PLD5: variants seen among roughly 807,000 people sequenced by gnomAD.
PLD5 encodes the protein inactive phospholipase D5.
Under a neutral mutation model 61.1 loss-of-function variants are expected in PLD5, and 36 were observed. The ratio of observed to expected loss-of-function variants is 0.59; its 90% confidence interval spans 0.45 to 0.78. The LOEUF (loss-of-function observed/expected upper bound fraction) is 0.78. Among genes scored for constraint, PLD5 ranks in the 30% least tolerant of loss-of-function variants. The probability of loss-of-function intolerance (pLI) is 0.00; values close to 1 mark genes in which losing one functional copy is unlikely to be tolerated. For synonymous variants in PLD5, 243 were observed against 242.8 expected, an observed-to-expected ratio of 1.00 and a Z score of -0.01; for missense variants, 515 against 644.4, an observed-to-expected ratio of 0.80 and a Z score of 2.17.
At chr1:242,464,179 T>G (rs940785372) in intron 1 of PLD5, among the ~76,000 whole-genome samples, 3 of 152,204 alleles carry the variant, frequency 2.0e-5, no homozygotes, top group African/African-American at 7.2e-5. Flanking sequence ...ACTTCACATG[T>G]CCCTTCTTTT....
intron 3 of PLD5, among the ~76,000 whole-genome samples, chr1:242,281,626 C>A (rs1411771308): frequency 2.0e-5 from 3 of 152,046 alleles, no homozygotes. Flanking sequence ...GATAACTTTG[C>A]TAGATAGTGT....
intron 7 of PLD5, among the ~76,000 whole-genome samples, chr1:242,109,897 C>T (rs955346241): frequency 2.0e-5 from 3 of 151,850 alleles, no homozygotes; most frequent in African/African-American, 7.3e-5. Context: ...AGGTGATATT[C>T]ATCATGATTA....
In PLD5 at chr1:242,214,999, C is replaced by CCAGAGTAG. The variant is rs567258849; in HGVS notation, c.735+4981_735+4988dup. Among the ~76,000 whole-genome samples the CCAGAGTAG allele has an allele frequency of 1.3e-3, 199 of 150,332 alleles. 2 individuals carry two copies. The highest frequency in any genetic ancestry group is 4.6e-3 in the African/African-American group (186 of 40,818). On this transcript the variant is annotated intron_variant, in intron 5 of 9. Coordinates refer to ENST00000536534, the MANE Select transcript of PLD5 (RefSeq NM_001372062.1). ...TCACGCCATTCTCCTGACTCAGCCT[C>CCAGAGTAG]CAGAGTAGCTGGGACTACTTGTGCC...
chr1:242,089,745 G>A lies in PLD5; in HGVS notation c.*109C>T, dbSNP rs1387049204. Reference sequence around the variant, plus strand: ...GTTGTTCAGAGAATATTTTTTATAAGTGTGCTTTTTCCCTAAAAAAAGAGA... The same window carrying A: ...GTTGTTCAGAGAATATTTTTTATAAATGTGCTTTTTCCCTAAAAAAAGAGA... On this transcript the variant is annotated 3_prime_UTR_variant, in exon 10 of 10. Transcript: ENST00000536534. 5.9e-6 allele frequency: 8 copies of A among 1,367,066 alleles called. No homozygotes were observed. Among genetic ancestry groups the A allele is most frequent in the Non-Finnish European group, 8.1e-6 (8 of 985,164 alleles). 84.7% of individuals were successfully genotyped at this position (1,367,066 alleles called of 1,614,324 possible). A position where few individuals can be genotyped will look rare whatever the true frequency, so the allele number is the denominator to read the frequency against.
At chr1:242,348,919 TG>T (rs1660308668) in intron 1 of PLD5, among the ~76,000 whole-genome samples, 1 of 152,086 alleles carries the variant, frequency 6.6e-6, no homozygotes, top group Non-Finnish European at 1.5e-5. Flanking sequence ...CTGGGCGTGG[TG>T]GCAGGCGCCT....
chr1:242,123,887 T>C (rs1662578622), intron 6 of PLD5, among the ~76,000 whole-genome samples: 1 of 152,122 alleles, frequency 6.6e-6, no homozygotes, highest in Non-Finnish European at 1.5e-5. Context: ...AGGGTGTGGC[T>C]AATGGTTCTT....
chr1:242,385,738 T>C (rs530502591), intron 1 of PLD5, among the ~76,000 whole-genome samples: 32 of 152,278 alleles, frequency 2.1e-4, no homozygotes, highest in Middle Eastern at 3.4e-3. Context: ...TCTGAGATGA[T>C]GAGGGAAAGC....
intron 2 of PLD5, among the ~76,000 whole-genome samples, chr1:242,337,217 T>A (rs1225605480): frequency 8.2e-5 from 2 of 24,338 alleles, no homozygotes; most frequent in Non-Finnish European, 2.9e-4. Flanking sequence ...ATCTGCATAA[T>A]ACTTTCTATT....
chr1:242,386,660 T>G (rs1174641130), intron 1 of PLD5, among the ~76,000 whole-genome samples: 1 of 152,154 alleles, frequency 6.6e-6, no homozygotes, highest in African/African-American at 2.4e-5. Flanking sequence ...GTATCAGAAC[T>G]TCTCTAGAAC....
At chr1:242,099,914 G>A (rs1292962777) in intron 9 of PLD5, among the ~76,000 whole-genome samples, 1 of 152,102 alleles carries the variant, frequency 6.6e-6, no homozygotes, top group Admixed American at 6.5e-5. Context: ...CGTTTTAACT[G>A]CCTGTGATGG....
intron 7 of PLD5, among the ~76,000 whole-genome samples, chr1:242,108,208 A>G (rs962300805): frequency 7.2e-5 from 11 of 151,908 alleles, no homozygotes; most frequent in Non-Finnish European, 1.6e-4. Context: ...AACCCTGAGC[A>G]CCCCCTCAGT....
intron 5 of PLD5, among the ~76,000 whole-genome samples, chr1:242,217,058 C>T (rs1467016442): frequency 1.3e-5 from 2 of 152,214 alleles, no homozygotes; most frequent in African/African-American, 4.8e-5. Context: ...ACCTACTGCT[C>T]AGAAAGAAAG....
At chr1:242,184,429 G>C (rs1431079534) in intron 5 of PLD5, among the ~76,000 whole-genome samples, 1 of 151,998 alleles carries the variant, frequency 6.6e-6, no homozygotes, top group Non-Finnish European at 1.5e-5. Flanking sequence ...CTGTCAACCA[G>C]GCTGGAGTGC....
chr1:242,184,573 C>T (rs529953334), intron 5 of PLD5, among the ~76,000 whole-genome samples: 7 of 152,144 alleles, frequency 4.6e-5, no homozygotes, highest in South Asian at 2.1e-4. Context: ...TTTGCCCTGT[C>T]GGCCAGGCTA....
intron 1 of PLD5, among the ~76,000 whole-genome samples, chr1:242,438,843 A>C (rs1355179365): frequency 2.0e-5 from 3 of 152,188 alleles, no homozygotes; most frequent in Non-Finnish European, 4.4e-5. Context: ...ATTGATAATT[A>C]GTTTCCTACT....
intron 6 of PLD5, 28 bp downstream of exon 6, chr1:242,124,440 A>C: frequency 6.3e-7 from 1 of 1,595,096 alleles, no homozygotes; most frequent in African/African-American, 1.3e-5. Flanking sequence ...AAGAAGGAGA[A>C]GGGGAGGAGA....
chr1:242,404,984 A>G (rs1664152382), intron 1 of PLD5, among the ~76,000 whole-genome samples: 1 of 148,016 alleles, frequency 6.8e-6, no homozygotes, highest in African/African-American at 2.5e-5. Flanking sequence ...GGTTCAAGCA[A>G]TTCTCCTGCC....
chr1:242,505,635 G>C (rs1668695983), intron 1 of PLD5, among the ~76,000 whole-genome samples: 2 of 152,210 alleles, frequency 1.3e-5, no homozygotes, highest in Non-Finnish European at 2.9e-5. Context: ...GGTTCCATGT[G>C]ATGGACCAGA....
At chr1:242,297,621 C>CTTTTTTTTTTTTT (rs56851216) in intron 2 of PLD5, among the ~76,000 whole-genome samples, 1 of 107,224 alleles carries the variant, frequency 9.3e-6, no homozygotes, top group African/African-American at 3.3e-5. Flanking sequence ...ATTCATGTTT[C>CTTTTTTTTTTTTT]TTTTTTTTTT....
Sources: allele counts gnomAD v4.1 joint callset (sites outside exome capture counted in the v4.1 genomes callset), GRCh38; gene constraint gnomAD v4.1.1; transcripts MANE v1.5; gene names NCBI Gene and HGNC (gene_info 2026-07-23, HGNC 2026-07-21).